The following PARM1 variants were observed in gnomAD, a reference collection of about 807,000 sequenced individuals.
The protein encoded by PARM1 is prostate androgen-regulated mucin-like protein 1.
In PARM1, 14 loss-of-function variants were observed where a neutral mutation model predicts 24.6. That is an observed-to-expected ratio of 0.57 (90% CI 0.38 to 0.89). The LOEUF (loss-of-function observed/expected upper bound fraction) is 0.89, where lower values mean the gene tolerates loss of function less well. Ranked by LOEUF, PARM1 falls within the 40% of genes least tolerant of loss-of-function variation. The probability of loss-of-function intolerance (pLI) is 0.00; values close to 1 mark genes in which losing one functional copy is unlikely to be tolerated. For missense variants in PARM1, 362 were observed against 380.4 expected (o/e 0.95, Z 0.40); for synonymous variants, 179 against 156.6 (o/e 1.14, Z -1.07).
chr4:75,015,850 T>TC (rs1340722409), intron 2 of PARM1, among the ~76,000 whole-genome samples: 1 of 152,210 alleles, frequency 6.6e-6, no homozygotes, highest in Non-Finnish European at 1.5e-5. Flanking sequence ...GCTGCACTCC[T>TC]CCTTTATTAG....
intron 1 of PARM1, among the ~76,000 whole-genome samples, chr4:74,974,349 C>T (rs1722099518): frequency 6.6e-6 from 1 of 152,182 alleles, no homozygotes; most frequent in African/African-American, 2.4e-5. Context: ...TCATGGGTCC[C>T]CAGGTCTCCA....
At chr4:74,972,897 A>T (rs750713702) in intron 1 of PARM1, among the ~76,000 whole-genome samples, 4 of 152,208 alleles carry the variant, frequency 2.6e-5, no homozygotes, top group Non-Finnish European at 5.9e-5. Flanking sequence ...CTGCAAGCTG[A>T]TACAGTGTAG....
At position 75,013,071 on chromosome 4, in the gene PARM1, G is replaced by A. The variant is rs766726970; in HGVS notation, c.690G>A (p.Met230Ile). Residue 230 changes from methionine (M) to isoleucine (I), a missense_variant, in exon 2 of 4, where the codon ATG (methionine) becomes ATA (isoleucine). By Grantham distance (10) the Met-to-Ile change is conservative. Coordinates refer to ENST00000307428, the MANE Select transcript of PARM1 (RefSeq NM_015393.4). ...TPPTTVSGKV[M>I]CELIDMETTT... ...CAACAACTGTGTCAGGCAAAGTGAT[G>A]TGTGAGCTCATAGACATGGAGACCA... 4 of 1,613,888 alleles carry A rather than the reference G, an allele frequency of 2.5e-6. No individual in the cohort carries two copies. The highest frequency in any genetic ancestry group is 2.2e-5 in the South Asian group (2 of 91,096).
At chr4:75,012,327 A>G (rs560323953) in intron 1 of PARM1, 98 bp from the exon 2 acceptor site, 1 of 1,328,024 alleles carries the variant, frequency 7.5e-7, no homozygotes, top group East Asian at 2.3e-5. Flanking sequence ...AATACCTGTG[A>G]AAATGCTGTA....
intron 3 of PARM1, among the ~76,000 whole-genome samples, chr4:75,036,745 T>C (rs1431792986): frequency 6.6e-6 from 1 of 152,224 alleles, no homozygotes; most frequent in African/African-American, 2.4e-5. Context: ...TCCCCAGGCG[T>C]TCAGAGCACC....
chr4:74,935,326 A>G (rs971228861), intron 1 of PARM1, among the ~76,000 whole-genome samples: 1 of 152,230 alleles, frequency 6.6e-6, no homozygotes, highest in African/African-American at 2.4e-5. Flanking sequence ...TTAAGACGTC[A>G]GTTTGTTGTT....
rs145287385 is a variant in PARM1, at chr4:75,041,297, G to A, written c.849-4866G>A. Among the ~76,000 whole-genome samples, 105 of 152,288 alleles carry A rather than the reference G, an allele frequency of 6.9e-4. 1 individual carries two copies. The highest frequency in any genetic ancestry group is 1.3e-3 in the Non-Finnish European group (88 of 68,020). The stretch of plus-strand genomic sequence containing the variant: ...AGCTGCATCAAACAGTTTTGTTAAT[G>A]GACAACAAGAGTCTAAGGCTTAATT... On this transcript the variant is annotated intron_variant, in intron 3 of 3. Coordinates refer to ENST00000307428, the MANE Select transcript of PARM1 (RefSeq NM_015393.4).
chr4:75,028,885 T>C (rs1723229323), intron 2 of PARM1, among the ~76,000 whole-genome samples: 1 of 152,184 alleles, frequency 6.6e-6, no homozygotes, highest in African/African-American at 2.4e-5. Flanking sequence ...TCCAAAGAGC[T>C]CAAATAAAAT....
chr4:74,940,773 T>C (rs1162655700), intron 1 of PARM1, among the ~76,000 whole-genome samples: 2 of 152,248 alleles, frequency 1.3e-5, no homozygotes, highest in Non-Finnish European at 2.9e-5. Context: ...GTAATTGGAC[T>C]CTTCAGGAAG....
chr4:74,977,022 G>A lies in PARM1; in HGVS notation c.44-35403G>A, dbSNP rs369973079. Among the ~76,000 whole-genome samples, 9 of 152,244 alleles carry A rather than the reference G, an allele frequency of 5.9e-5. No homozygotes were observed. In the South Asian group the frequency reaches 8.3e-4, roughly 14 times the overall value. The stretch of plus-strand genomic sequence containing the variant: ...GGGAAAAAATGAATGCAAGAATACC[G>A]AAAACTCAAAAACCCTGAGTGCCTC... On this transcript the variant is annotated intron_variant, in intron 1 of 3. Transcript: ENST00000307428.
At chr4:74,970,547 C>T (rs563012235) in intron 1 of PARM1, among the ~76,000 whole-genome samples, 5 of 152,222 alleles carry the variant, frequency 3.3e-5, no homozygotes, top group Non-Finnish European at 7.3e-5. Context: ...GCCTCTCTCC[C>T]ATATTCCAGT....
intron 1 of PARM1, among the ~76,000 whole-genome samples, chr4:74,935,847 T>A (rs1473239964): frequency 6.6e-6 from 1 of 152,050 alleles, no homozygotes; most frequent in African/African-American, 2.4e-5. Context: ...TAAATATATT[T>A]ATATATTTTT....
In PARM1 at chr4:74,964,009, G is replaced by A. The variant is rs550625278; in HGVS notation, c.43+30639G>A. ...ATGTATCTCTTCCCTTCTGCAGAGA[G>A]AAATATCAGTCTTTAACTGCAAATG... is the stretch of plus-strand genomic sequence containing the variant. On this transcript the variant is annotated intron_variant, in intron 1 of 3. Coordinates refer to ENST00000307428, the MANE Select transcript of PARM1 (RefSeq NM_015393.4). Among the ~76,000 whole-genome samples, 14 of 152,312 alleles carry A rather than the reference G, an allele frequency of 9.2e-5. No homozygotes were observed. The East Asian group carries it at 2.3e-3, about 25-fold the overall frequency.
At chr4:75,003,265 C>T (rs1247128607) in intron 1 of PARM1, among the ~76,000 whole-genome samples, 2 of 151,838 alleles carry the variant, frequency 1.3e-5, no homozygotes, top group East Asian at 3.9e-4. Context: ...TATAGTCCCT[C>T]CCATCCTAGA....
chr4:74,994,447 AC>A (rs1190603603), intron 1 of PARM1, among the ~76,000 whole-genome samples: 1 of 152,152 alleles, frequency 6.6e-6, no homozygotes, highest in African/African-American at 2.4e-5. Context: ...ATTTACGGCT[AC>A]TGCATACCAT....
intron 1 of PARM1, among the ~76,000 whole-genome samples, chr4:74,989,057 A>C (rs1415857743): frequency 6.6e-6 from 1 of 152,128 alleles, no homozygotes; most frequent in Non-Finnish European, 1.5e-5. Flanking sequence ...GAAAAAACCA[A>C]AGTATTTTTT....
At chr4:74,937,827 G>A (rs1483666845) in intron 1 of PARM1, among the ~76,000 whole-genome samples, 1 of 152,206 alleles carries the variant, frequency 6.6e-6, no homozygotes, top group Non-Finnish European at 1.5e-5. Flanking sequence ...AAACCAATGT[G>A]CAAATGAAGA....
intron 1 of PARM1, chr4:74,965,252 TA>T (rs1198507875): frequency 6.6e-6 from 1 of 152,230 alleles, no homozygotes; most frequent in African/African-American, 2.4e-5. Context: ...GTTTCTTAGT[TA>T]TTAATACTAT....
At chr4:75,029,030 A>T (rs1723230474) in intron 2 of PARM1, among the ~76,000 whole-genome samples, 1 of 152,150 alleles carries the variant, frequency 6.6e-6, no homozygotes, top group Non-Finnish European at 1.5e-5. Flanking sequence ...GAGAGGCAGG[A>T]GGCTTGGACA....
Sources: allele counts gnomAD v4.1 joint callset (sites outside exome capture counted in the v4.1 genomes callset), GRCh38; gene constraint gnomAD v4.1.1; transcripts MANE v1.5; gene names NCBI Gene and HGNC (gene_info 2026-07-23, HGNC 2026-07-21).